Variants in BRINP3 observed in about 807,000 individuals in gnomAD.
BRINP3 encodes BMP/retinoic acid inducible neural specific 3, also known as BMP/retinoic acid-inducible neural-specific protein 3.
Under a neutral mutation model 71.0 loss-of-function variants are expected in BRINP3, and 19 were observed. The ratio of observed to expected loss-of-function variants is 0.27; its 90% CI spans 0.19 to 0.39. The LOEUF is 0.39. Ranked by LOEUF, BRINP3 falls within the 10% of genes least tolerant of loss-of-function variation. BRINP3 has a pLI of 1.00. For synonymous variants in BRINP3, 380 were observed against 337.7 expected (o/e 1.13, Z -1.37); for missense variants, 959 against 940.8 (o/e 1.02, Z -0.25).
intron 4 of BRINP3, among the ~76,000 whole-genome samples, chr1:190,237,558 C>T (rs973016634): frequency 4.0e-5 from 6 of 151,830 alleles, no homozygotes; most frequent in African/African-American, 1.2e-4. Context: ...AAATAAAATA[C>T]TTTGCCAGAG....
At chr1:190,202,041 C>G (rs951365759) in intron 6 of BRINP3, among the ~76,000 whole-genome samples, 1 of 152,154 alleles carries the variant, frequency 6.6e-6, no homozygotes, top group African/African-American at 2.4e-5. Context: ...GGTACATCCA[C>G]TGACAGCTTG....
Position 190,399,099 on chromosome 1 carries a change from TA to T in BRINP3, c.236+55555del, listed in dbSNP as rs796309967. The stretch of plus-strand genomic sequence containing the variant: ...TACCTCATTGATGTATTTTTGTGCT[TA>T]ACAGACAGAACACTTCATAAATGAA... On this transcript the variant is annotated intron_variant, in intron 2 of 7. Transcript: ENST00000367462. Among the ~76,000 whole-genome samples the T allele has an allele frequency of 1.2e-4, 18 of 152,132 alleles. 1 individual carries two copies. Among genetic ancestry groups the T allele is most frequent in the African/African-American group, 4.3e-4 (18 of 41,546 alleles).
chr1:190,188,232 A>C (rs977423619), intron 6 of BRINP3, among the ~76,000 whole-genome samples: 57 of 152,104 alleles, frequency 3.7e-4, no homozygotes, highest in African/African-American at 1.4e-3. Context: ...CCTGCAACTT[A>C]ATCTTTTGTT....
In BRINP3 at chr1:190,113,383, G is replaced by T. The variant is rs558812433; in HGVS notation, c.1185-14249C>A. ...CACTTCAGTTTATTATCTTTATTTA[G>T]AGAGGGCGGAGATTGTGGAACATAA... is the stretch of plus-strand genomic sequence containing the variant. On this transcript the variant is annotated intron_variant, in intron 7 of 7. Coordinates refer to ENST00000367462, the MANE Select transcript of BRINP3 (RefSeq NM_199051.3). Among the ~76,000 whole-genome samples the T allele has an allele frequency of 1.2e-4, 18 of 152,168 alleles. No individual in the cohort carries two copies. In the East Asian group the frequency reaches 3.5e-3, roughly 29 times the overall value.
At chr1:190,392,054 T>C (rs1671282225) in intron 2 of BRINP3, among the ~76,000 whole-genome samples, 1 of 21,772 alleles carries the variant, frequency 4.6e-5, no homozygotes, top group South Asian at 1.7e-3. Flanking sequence ...GGGTTTAGCT[T>C]GGCCAAAAAA....
intron 2 of BRINP3, among the ~76,000 whole-genome samples, chr1:190,451,143 A>T (rs1465499997): frequency 6.6e-6 from 1 of 151,956 alleles, no homozygotes; most frequent in Non-Finnish European, 1.5e-5. Flanking sequence ...CCAATAATTC[A>T]CTTACACATG....
chr1:190,252,454 G>A (rs1347463818), intron 4 of BRINP3, among the ~76,000 whole-genome samples: 1 of 152,102 alleles, frequency 6.6e-6, no homozygotes, highest in Non-Finnish European at 1.5e-5. Context: ...CACTGAAGCA[G>A]AAGAAATATG....
At chr1:190,206,766 T>G (rs888193399) in intron 6 of BRINP3, among the ~76,000 whole-genome samples, 2 of 152,056 alleles carry the variant, frequency 1.3e-5, no homozygotes, top group Non-Finnish European at 2.9e-5. Context: ...GTTTAGAAAT[T>G]TTGTGAAATA....
chr1:190,302,915 A>G (rs1030763206), intron 2 of BRINP3: 2 of 151,786 alleles, frequency 1.3e-5, no homozygotes, highest in African/African-American at 4.8e-5. Flanking sequence ...TAATGATGAT[A>G]ATAATAATAA....
intron 6 of BRINP3, among the ~76,000 whole-genome samples, chr1:190,200,403 A>G (rs1046348305): frequency 6.6e-6 from 1 of 152,170 alleles, no homozygotes; most frequent in Non-Finnish European, 1.5e-5. Context: ...AATAGATCTT[A>G]GAGACCATAT....
chr1:190,313,284 C>CT (rs1204227845), intron 2 of BRINP3, among the ~76,000 whole-genome samples: 5 of 151,214 alleles, frequency 3.3e-5, no homozygotes, highest in South Asian at 4.2e-4. Flanking sequence ...TTGGTAATGC[C>CT]TTTTTTTTGA....
chr1:190,427,939 A>G (rs1367493202), intron 2 of BRINP3, among the ~76,000 whole-genome samples: 1 of 146,250 alleles, frequency 6.8e-6, no homozygotes, highest in African/African-American at 2.5e-5. Context: ...CTTCCTCTCT[A>G]TGTGTCCATG....
intron 2 of BRINP3, among the ~76,000 whole-genome samples, chr1:190,420,359 C>T (rs1402670723): frequency 6.6e-6 from 1 of 151,902 alleles, no homozygotes; most frequent in Non-Finnish European, 1.5e-5. Flanking sequence ...AATGCAATAA[C>T]TGATTATTCA....
At chr1:190,370,340 A>G (rs1669780147) in intron 2 of BRINP3, among the ~76,000 whole-genome samples, 1 of 152,194 alleles carries the variant, frequency 6.6e-6, no homozygotes, top group Non-Finnish European at 1.5e-5. Context: ...TAACAAGTCT[A>G]TAGAAATAAA....
At chr1:190,370,802 C>T (rs1442778555) in intron 2 of BRINP3, among the ~76,000 whole-genome samples, 2 of 152,130 alleles carry the variant, frequency 1.3e-5, no homozygotes, top group African/African-American at 2.4e-5. Context: ...TTCTCACTAT[C>T]GCTAGATATT....
At chr1:190,197,575 C>T (rs1654604878) in intron 6 of BRINP3, among the ~76,000 whole-genome samples, 1 of 152,184 alleles carries the variant, frequency 6.6e-6, no homozygotes, top group African/African-American at 2.4e-5. Context: ...AGGCCCCATG[C>T]AATCTAGACT....
At chr1:190,119,182 A>G (rs901660385) in intron 7 of BRINP3, among the ~76,000 whole-genome samples, 8 of 152,078 alleles carry the variant, frequency 5.3e-5, no homozygotes, top group African/African-American at 1.4e-4. Flanking sequence ...TCTTTTTCAT[A>G]TCATGACTTC....
At chr1:190,140,507 T>C (rs910732837) in intron 7 of BRINP3, among the ~76,000 whole-genome samples, 3 of 152,126 alleles carry the variant, frequency 2.0e-5, no homozygotes, top group African/African-American at 7.2e-5. Flanking sequence ...AAACCTACTA[T>C]TAATTATTAA....
intron 6 of BRINP3, among the ~76,000 whole-genome samples, chr1:190,222,766 A>G (rs140251709): frequency 5.8e-4 from 88 of 151,884 alleles, no homozygotes; most frequent in South Asian, 1.2e-3. Context: ...TTGAAAAGAT[A>G]ATCAAAACTG....
Sources: gnomAD v4.1 joint callset for allele counts (sites outside exome capture counted in the v4.1 genomes callset) on GRCh38, gnomAD v4.1.1 for gene constraint, MANE v1.5 for transcripts, NCBI Gene and HGNC (gene_info 2026-07-23, HGNC 2026-07-21) for gene names.